CARMIL3: variants seen among roughly 807,000 people sequenced by gnomAD.
The protein encoded by CARMIL3 is capping protein regulator and myosin 1 linker 3.
CARMIL3 carries 88 observed loss-of-function variants against 180.8 expected under a neutral mutation model. That is an observed-to-expected ratio of 0.49 (90% CI 0.41 to 0.58). The LOEUF is 0.58. Ranked by LOEUF, CARMIL3 falls within the 20% of genes least tolerant of loss-of-function variation. CARMIL3 has a pLI of 0.00. For synonymous variants in CARMIL3, 696 were observed against 714.5 expected (o/e 0.97, Z 0.41); for missense variants, 1,548 against 1,787.0 (o/e 0.87, Z 2.41).
rs1368409721 is a variant in CARMIL3 at position 24,052,082 on chromosome 14, G to A, written c.-72G>A. 1.3e-6 allele frequency: 2 copies of A among 1,481,632 alleles called. No homozygotes were observed. Among genetic ancestry groups the A allele is most frequent in the African/African-American group, 1.4e-5 (1 of 69,160 alleles). 91.8% of individuals were successfully genotyped at this position (1,481,632 alleles called of 1,614,324 possible). On this transcript the variant is annotated 5_prime_UTR_variant, in exon 1 of 40. Transcript: ENST00000342740. ...AGCGCCCGGGCCCTGCTGAAGCCGG[G>A]TCTAGCATGTGCCGCGGCTCCCCGG...
intron 34 of CARMIL3, 52 bp from the exon 35 acceptor site, chr14:24,066,346 C>G: frequency 1.3e-6 from 2 of 1,590,714 alleles, no homozygotes; most frequent in East Asian, 4.5e-5. Context: ...TTGTCAGCTG[C>G]AGTCCTGCCA....
intron 10 of CARMIL3, 114 bp downstream of exon 10, chr14:24,055,903 C>T (rs1566538788): frequency 9.7e-7 from 1 of 1,032,512 alleles, no homozygotes; most frequent in Non-Finnish European, 1.5e-6. Context: ...CCTCTCTCTA[C>T]AGAAGAGGAG....
In CARMIL3 at chr14:24,061,568, C is replaced by G; in HGVS notation, c.2376C>G (p.His792Gln). Residue 792 changes from histidine (H) to glutamine (Q), a missense_variant, in exon 27 of 40, where the codon CAC (histidine) becomes CAG (glutamine). His to Gln is a conservative substitution (Grantham distance 24, BLOSUM62 0). Coordinates refer to ENST00000342740, the MANE Select transcript of CARMIL3 (RefSeq NM_138360.4). This position sits in a 1 kb window ranked among gnomAD's most constrained non-coding sequence, Gnocchi z 4.1. ...TGGCCATGCGGGTGGCCGAGGGACA[C>G]AACAAGATGCTGAGCAATGTGGCGG... ...CPVAMRVAEG[H>Q]NKMLSNVAER... 1.9e-6 allele frequency: 3 copies of G among 1,613,982 alleles called. No homozygotes were observed. The highest frequency in any genetic ancestry group is 2.5e-6 in the Non-Finnish European group (3 of 1,179,982).
intron 1 of CARMIL3, among the ~76,000 whole-genome samples, chr14:24,053,324 C>A (rs1406900953): frequency 6.6e-6 from 1 of 152,106 alleles, no homozygotes; most frequent in African/African-American, 2.4e-5. Flanking sequence ...GTCAAAGGGA[C>A]ACCCCACACC....
In CARMIL3 at chr14:24,060,001, G is replaced by A. The variant is rs368546385; in HGVS notation, c.1900G>A (p.Val634Met). The A allele has an allele frequency of 8.7e-6, 14 of 1,613,858 alleles. 1 individual carries two copies. The highest frequency in any genetic ancestry group is 2.2e-5 in the South Asian group (2 of 91,096). The change falls in exon 23 of 40, where the codon GTG (valine) becomes ATG (methionine). Residue 634 changes from valine (V) to methionine (M), a missense_variant. This residue lies in a region of CARMIL3 where 297 missense variants were observed against 415.9 expected (regional missense o/e 0.71). Transcript: ENST00000342740. ...CACGCTGCGCTTCATGTCCTTCCCC[G>A]TGAGCGACATCTCCCAAGCCTATCG... The part of the protein sequence containing the change: ...NHTLRFMSFP[V>M]SDISQAYRSA...
intron 10 of CARMIL3, 80 bp downstream of exon 10, chr14:24,055,869 G>C: frequency 7.8e-7 from 1 of 1,289,706 alleles, no homozygotes; most frequent in Non-Finnish European, 1.1e-6. Flanking sequence ...CATGATGCAG[G>C]CCTCTGGACT....
intron 11 of CARMIL3, 93 bp downstream of exon 11, chr14:24,056,486 T>G: frequency 6.7e-7 from 1 of 1,483,180 alleles, no homozygotes; most frequent in South Asian, 1.2e-5. Flanking sequence ...CTCTCCAGCC[T>G]GATTCCAGCC....
chr14:24,066,296 T>G (rs2035785855), intron 34 of CARMIL3, 102 bp from the exon 35 acceptor site: 9 of 1,363,624 alleles, frequency 6.6e-6, no homozygotes, highest in African/African-American at 1.5e-5. Context: ...TAGGGACTAA[T>G]GACATGAGAA....
rs2035754853 is a variant in CARMIL3, at chr14:24,063,542, C to T, written c.2979+9C>T. On this transcript the variant is annotated intron_variant, in intron 31 of 39. Coordinates refer to ENST00000342740, the MANE Select transcript of CARMIL3 (RefSeq NM_138360.4). ...GACCTGGTCGACCCAGTGTGAGTCC[C>T]TAAGGCTTCACAAGAGGATCCCCTT... The T allele has an allele frequency of 6.3e-7, 1 of 1,599,208 alleles. No individual in the cohort carries two copies. Among genetic ancestry groups the T allele is most frequent in the Non-Finnish European group, 8.5e-7 (1 of 1,174,072 alleles).
At chr14:24,060,401 A>G in intron 24 of CARMIL3, 146 bp downstream of exon 24, 1 of 1,111,374 alleles carries the variant, frequency 9.0e-7, no homozygotes, top group Non-Finnish European at 1.3e-6. Flanking sequence ...AAAAGAGAGG[A>G]CATGCAGGAT....
Position 24,055,061 on chromosome 14 carries a change from C to T in CARMIL3, c.461-5C>T, listed in dbSNP as rs371822033. ...CATGGAATCAGCCTATCTCCTGCCC[C>T]ACAGGTGGCTTCTCTGAGACCTACG... is the stretch of plus-strand genomic sequence containing the variant. On this transcript the variant is annotated splice_region_variant and splice_polypyrimidine_tract_variant and intron_variant, in intron 6 of 39. Coordinates refer to ENST00000342740, the MANE Select transcript of CARMIL3 (RefSeq NM_138360.4). The T allele has an allele frequency of 6.2e-7, 1 of 1,613,090 alleles. No individual in the cohort carries two copies. The highest frequency in any genetic ancestry group is 8.5e-7 in the Non-Finnish European group (1 of 1,179,932).
chr14:24,058,306 T>C lies in CARMIL3; in HGVS notation c.1392+82T>C. The C allele has an allele frequency of 4.1e-6, 6 of 1,463,582 alleles. No individual in the cohort carries two copies. Among genetic ancestry groups the C allele is most frequent in the East Asian group, 2.5e-5 (1 of 40,460 alleles). The allele number at this position is 1,463,582 out of a possible 1,614,324, so 90.7% of individuals were successfully genotyped here. On this transcript the variant is annotated intron_variant, in intron 17 of 39. Transcript: ENST00000342740. The surrounding 1 kb of genome is among the most constrained non-coding windows in gnomAD (Gnocchi z 6.4). ...ACCTAAGTCAAACCCTGGCTCCATC[T>C]AGCCTCTGTGCTGACCCTCTGCGAC...
chr14:24,064,828 C>A, intron 32 of CARMIL3, 130 bp from the exon 33 acceptor site: 1 of 934,802 alleles, frequency 1.1e-6, no homozygotes. Context: ...AGGGCATCAT[C>A]TCCCTGAGAA....
intron 14 of CARMIL3, 91 bp downstream of exon 14, chr14:24,057,335 G>A (rs1172703117): frequency 8.5e-7 from 1 of 1,174,876 alleles, no homozygotes; most frequent in African/African-American, 1.5e-5. Flanking sequence ...GAGTACACAG[G>A]CGGGCAGAGC....
rs1297686515 is a variant in CARMIL3 at position 24,060,013 on chromosome 14, T to C, written c.1912T>C (p.Ser638Pro). Residue 638 changes from serine to proline, a missense_variant, in exon 23 of 40, where the codon TCC becomes CCC. By Grantham distance (74) the Ser-to-Pro change is moderately conservative (BLOSUM62 -1). Around this residue, in one of 4 missense-constraint regions of CARMIL3, gnomAD observed 297 missense variants for 415.9 expected, o/e 0.71. Coordinates refer to ENST00000342740, the MANE Select transcript of CARMIL3 (RefSeq NM_138360.4). ...RFMSFPVSDI[S>P]QAYRSAPERT... ...CATGTCCTTCCCCGTGAGCGACATC[T>C]CCCAAGCCTATCGCAGCGCGCCTGA... 6.2e-7 allele frequency: 1 copy of C among 1,614,022 alleles called. No individual in the cohort carries two copies. Among genetic ancestry groups the C allele is most frequent in the Non-Finnish European group, 8.5e-7 (1 of 1,180,024 alleles).
chr14:24,062,961 C>CT (rs548920684), intron 29 of CARMIL3, 115 bp downstream of exon 29: 1 of 1,537,732 alleles, frequency 6.5e-7, no homozygotes, highest in Non-Finnish European at 8.8e-7. Flanking sequence ...TGTGCCTGGC[C>CT]TTCTGCCTCC....
At chr14:24,053,677 G>A (rs1459299511) in intron 1 of CARMIL3, 32 bp from the exon 2 acceptor site, 2 of 1,565,454 alleles carry the variant, frequency 1.3e-6, no homozygotes, top group Non-Finnish European at 1.7e-6. Context: ...AGGGTAAGGT[G>A]AAGCTCTGAG....
Position 24,062,694 on chromosome 14 carries a change from C to A in CARMIL3, c.2569-15C>A. 1.9e-6 allele frequency: 3 copies of A among 1,608,076 alleles called. No individual in the cohort carries two copies. The highest frequency in any genetic ancestry group is 1.1e-5 in the South Asian group (1 of 90,278). On this transcript the variant is annotated splice_polypyrimidine_tract_variant and intron_variant, in intron 28 of 39. Coordinates refer to ENST00000342740, the MANE Select transcript of CARMIL3 (RefSeq NM_138360.4). ...CAGCTTCCATGGAATTCTGTTCACACCTGCCCTTCCCCAGGCCCGGCACCT... is the reference window on the plus strand; with the variant it reads ...CAGCTTCCATGGAATTCTGTTCACAACTGCCCTTCCCCAGGCCCGGCACCT...
At chr14:24,065,840 G>C in intron 34 of CARMIL3, 90 bp downstream of exon 34, 1 of 1,533,470 alleles carries the variant, frequency 6.5e-7, no homozygotes, top group Non-Finnish European at 8.8e-7. Context: ...TGGTGGTTCA[G>C]TAGAGAAAGC....
Sources: gnomAD v4.1 joint callset for allele counts (sites outside exome capture counted in the v4.1 genomes callset) on GRCh38, gnomAD v4.1.1 for gene constraint, gnomAD v4.1.1 regional missense constraint, Gnocchi (gnomAD v3.1) non-coding constraint, MANE v1.5 for transcripts, NCBI Gene and HGNC (gene_info 2026-07-23, HGNC 2026-07-21) for gene names.